LIFR: variants seen among roughly 807,000 people sequenced by gnomAD.
The protein encoded by LIFR is leukemia inhibitory factor receptor.
A neutral mutation model predicts 122.2 loss-of-function variants in LIFR; 84 were observed. That is an observed-to-expected ratio of 0.69 (90% CI 0.58 to 0.82). The LOEUF (loss-of-function observed/expected upper bound fraction) is 0.82. Ranked by LOEUF, LIFR falls within the 40% of genes least tolerant of loss-of-function variation. The pLI, the probability that LIFR is intolerant of heterozygous loss-of-function variation, is 0.00. For synonymous variants in LIFR, 422 were observed against 434.7 expected (o/e 0.97, Z 0.36); for missense variants, 1,294 against 1,311.6 (o/e 0.99, Z 0.21).
intron 1 of LIFR, among the ~76,000 whole-genome samples, chr5:38,583,367 G>GA (rs996826943): frequency 6.6e-6 from 1 of 152,162 alleles, no homozygotes; most frequent in East Asian, 1.9e-4. Flanking sequence ...TTTTGGAAAC[G>GA]AACCAATTCT....
At position 38,593,029 on chromosome 5, in the gene LIFR, C is replaced by G. The variant is rs189340514; in HGVS notation, c.-20+2232G>C. On this transcript the variant is annotated intron_variant, in intron 1 of 19. Coordinates refer to the LIFR transcript ENST00000263409. ...ACCAGCCTGACCAACATGGTCAAAC[C>G]CTGTCTCTACTAAAATTACAAAAAT... Among the ~76,000 whole-genome samples the G allele has an allele frequency of 3.2e-3, 485 of 152,140 alleles. 4 individuals are homozygous for G. The highest frequency in any genetic ancestry group is 0.011 in the African/African-American group (456 of 41,532).
At chr5:38,508,663 G>A (rs753668426) in intron 7 of LIFR, among the ~76,000 whole-genome samples, 42 of 151,814 alleles carry the variant, frequency 2.8e-4, no homozygotes, top group Admixed American at 4.6e-4. Context: ...TGCAAGCTCC[G>A]CCTCCTGGGT....
intron 1 of LIFR, among the ~76,000 whole-genome samples, chr5:38,567,496 G>GTATTTATTTATTTATT (rs56285132): frequency 0.032 from 4,299 of 132,820 alleles, 124 homozygotes; most frequent in East Asian, 0.062. Context: ...TGACCATTCT[G>GTATTTATTTATTTATT]TATTTATTTA....
At chr5:38,486,087 C>G (rs936790904) in intron 16 of LIFR, 107 bp from the exon 17 acceptor site, 2 of 979,074 alleles carry the variant, frequency 2.0e-6, no homozygotes, top group African/African-American at 3.2e-5. Flanking sequence ...CTAGCTGAGG[C>G]CATCCCAGCC....
At position 38,485,910 on chromosome 5, in the gene LIFR, T is replaced by C; in HGVS notation, c.2406A>G (p.Gln802=). Residue 802 remains glutamine (Q), a synonymous_variant, in exon 17 of 20, where the codon CAA becomes CAG. Transcript: ENST00000453190. ...SQKTLRIADL[Q]GKTSYHLVLR... is the part of the protein sequence containing the mutation. ...AGACCAGGTGGTAACTTGTTTTACC[T>C]TGAAGATCAGCAATTCTCAGTGTCT... is the stretch of plus-strand genomic sequence containing the variant. The C allele has an allele frequency of 1.2e-6, 2 of 1,614,132 alleles. No homozygotes were observed. Among genetic ancestry groups the C allele is most frequent in the Non-Finnish European group, 1.7e-6 (2 of 1,179,922 alleles).
rs112484150 is a variant in LIFR, at chr5:38,508,968, C to T, written c.991+1496G>A. 5.3e-5 allele frequency among the ~76,000 whole-genome samples: 8 copies of T among 152,306 alleles called. 1 individual carries two copies. The South Asian group carries it at 1.5e-3, about 28-fold the overall frequency. ...GAAATAAATGAATCCTGATACCTAA[C>T]TCACGAAATAACCTGCTCTTATAAA... On this transcript the variant is annotated intron_variant, in intron 7 of 19. Transcript: ENST00000453190.
At chr5:38,502,366 A>T (rs1408973151) in intron 11 of LIFR, among the ~76,000 whole-genome samples, 2 of 151,426 alleles carry the variant, frequency 1.3e-5, no homozygotes, top group East Asian at 3.9e-4. Flanking sequence ...CAAACGATTC[A>T]CTCCTGCCTC....
At chr5:38,527,016 T>C (rs1288281208) in intron 4 of LIFR, 139 bp downstream of exon 4, 2 of 744,212 alleles carry the variant, frequency 2.7e-6, no homozygotes, top group Non-Finnish European at 4.3e-6. Context: ...TTGGCTACCA[T>C]CTACAATTCA....
At chr5:38,591,156 G>A (rs1749909675) in intron 1 of LIFR, among the ~76,000 whole-genome samples, 1 of 152,232 alleles carries the variant, frequency 6.6e-6, no homozygotes, top group South Asian at 2.1e-4. Context: ...AACTGCAGAA[G>A]CAAGGTTTAG....
chr5:38,480,489 A>G lies in LIFR; in HGVS notation c.*1106T>C, dbSNP rs1159345891. On this transcript the variant is annotated 3_prime_UTR_variant, in exon 20 of 20. Transcript: ENST00000453190. Reference sequence around the variant, plus strand: ...TAAGAAGCATTCTCTCTTTAGTTTTATATTTAAAAATGTGAGGACTGGATC... The same window carrying G: ...TAAGAAGCATTCTCTCTTTAGTTTTGTATTTAAAAATGTGAGGACTGGATC... 1 of 214,940 alleles carries G rather than the reference A, an allele frequency of 4.7e-6. No homozygotes were observed. Among genetic ancestry groups the G allele is most frequent in the Non-Finnish European group, 9.4e-6 (1 of 106,536 alleles). 13.3% of individuals were successfully genotyped at this position (214,940 alleles called of 1,614,324 possible).
At chr5:38,533,671 T>TC (rs1329380075) in intron 1 of LIFR, among the ~76,000 whole-genome samples, 1 of 152,130 alleles carries the variant, frequency 6.6e-6, no homozygotes, top group Non-Finnish European at 1.5e-5. Context: ...TGTTCCCCTG[T>TC]CCCCCAACCC....
At position 38,477,060 on chromosome 5, in the gene LIFR, A is replaced by G. The variant is rs1355536996; in HGVS notation, c.*4535T>C. Reference sequence around the variant, plus strand: ...TGTACAATAAAGCCTGAAATAGCCAACTAATTGAATGTTATTCTTAATCCT... The same window carrying G: ...TGTACAATAAAGCCTGAAATAGCCAGCTAATTGAATGTTATTCTTAATCCT... On this transcript the variant is annotated 3_prime_UTR_variant, in exon 20 of 20. Coordinates refer to ENST00000453190, the MANE Select transcript of LIFR (RefSeq NM_001127671.2). 8.9e-6 allele frequency: 2 copies of G among 224,898 alleles called. No homozygotes were observed. The highest frequency in any genetic ancestry group is 1.3e-4 in the East Asian group (2 of 15,488). 13.9% of individuals were successfully genotyped at this position (224,898 alleles called of 1,614,324 possible). A position where few individuals can be genotyped will look rare whatever the true frequency, so the allele number is the denominator to read the frequency against.
chr5:38,520,687 A>T (rs1172404729), intron 5 of LIFR, among the ~76,000 whole-genome samples: 1 of 152,174 alleles, frequency 6.6e-6, no homozygotes, highest in African/African-American at 2.4e-5. Context: ...ATTGAAGATG[A>T]TATCCTTTCC....
chr5:38,518,546 G>A (rs1047825120), intron 5 of LIFR, among the ~76,000 whole-genome samples: 8 of 152,116 alleles, frequency 5.3e-5, no homozygotes, highest in Admixed American at 2.0e-4. Flanking sequence ...ATAGTGCAAC[G>A]TATTACTCAT....
intron 1 of LIFR, among the ~76,000 whole-genome samples, chr5:38,590,839 C>T (rs1392679038): frequency 6.6e-6 from 1 of 152,238 alleles, no homozygotes; most frequent in African/African-American, 2.4e-5. Flanking sequence ...GGGGATCTGA[C>T]ACCAGTGACT....
intron 12 of LIFR, among the ~76,000 whole-genome samples, chr5:38,497,527 T>A (rs1231730686): frequency 6.6e-6 from 1 of 152,220 alleles, no homozygotes; most frequent in African/African-American, 2.4e-5. Flanking sequence ...CAAAACATTT[T>A]AAAAAATAGC....
intron 1 of LIFR, among the ~76,000 whole-genome samples, chr5:38,541,912 G>C (rs1244350423): frequency 6.6e-6 from 1 of 152,164 alleles, no homozygotes; most frequent in Non-Finnish European, 1.5e-5. Flanking sequence ...ACAAAAAAAG[G>C]TTAATAAGCT....
At chr5:38,537,497 A>C (rs140717467) in intron 1 of LIFR, among the ~76,000 whole-genome samples, 3 of 152,356 alleles carry the variant, frequency 2.0e-5, no homozygotes, top group African/African-American at 7.2e-5. Context: ...AAACGAATGA[A>C]CTTGTTTCTT....
At chr5:38,601,141 A>G (rs140435126) in intron 2 of LIFR, among the ~76,000 whole-genome samples, 4 of 152,220 alleles carry the variant, frequency 2.6e-5, no homozygotes, top group Non-Finnish European at 5.9e-5. Context: ...AGACGAGGTT[A>G]CAAGATGGAG....
Sources: gnomAD v4.1 joint callset for allele counts (sites outside exome capture counted in the v4.1 genomes callset) on GRCh38, gnomAD v4.1.1 for gene constraint, MANE v1.5 for transcripts, NCBI Gene and HGNC (gene_info 2026-07-23, HGNC 2026-07-21) for gene names.